CMPK2: variants seen among roughly 807,000 people sequenced by gnomAD.
The protein encoded by CMPK2 is UMP-CMP kinase 2, mitochondrial.
Under a neutral mutation model 33.4 loss-of-function variants are expected in CMPK2, and 32 were observed. The ratio of observed to expected loss-of-function variants is 0.96; its 90% CI spans 0.72 to 1.29. The LOEUF (loss-of-function observed/expected upper bound fraction) is 1.29, where lower values mean the gene tolerates loss of function less well. Among genes scored for constraint, CMPK2 ranks in the 50% most tolerant of loss-of-function variants. The pLI is 0.00. For synonymous variants in CMPK2, 299 were observed against 275.3 expected, an observed-to-expected ratio of 1.09 and a Z score of -0.85; for missense variants, 672 against 616.0, an observed-to-expected ratio of 1.09 and a Z score of -0.96.
chr2:6,842,459 G>A (rs930036863), intron 3 of CMPK2, among the ~76,000 whole-genome samples: 11 of 152,194 alleles, frequency 7.2e-5, no homozygotes, highest in African/African-American at 2.7e-4. Flanking sequence ...AGCCACCACT[G>A]CAACTGTTCA....
In CMPK2 at chr2:6,863,590, C is replaced by G. The variant is rs117967668; in HGVS notation, c.676-12G>C. 6.2e-7 allele frequency: 1 copy of G among 1,602,876 alleles called. No individual in the cohort carries two copies. The highest frequency in any genetic ancestry group is 8.5e-7 in the Non-Finnish European group (1 of 1,171,402). On this transcript the variant is annotated splice_polypyrimidine_tract_variant and intron_variant, in intron 1 of 4. Transcript: ENST00000256722. ...ATAAAGGAGGTACACTGTAAAACAA[C>G]GTCTATCCATCAGCAATGAAGCCAG...
At chr2:6,858,122 A>G (rs1189140832) in intron 3 of CMPK2, among the ~76,000 whole-genome samples, 1 of 151,998 alleles carries the variant, frequency 6.6e-6, no homozygotes, top group Non-Finnish European at 1.5e-5. Context: ...TAGTTGTCAG[A>G]TATGTTAGCT....
At chr2:6,866,375 C>T (rs1362866122), upstream of CMPK2, 2 of 916,094 alleles carry the variant, frequency 2.2e-6, no homozygotes, top group Non-Finnish European at 2.6e-6. Flanking sequence ...TATCTTATCT[C>T]ACCTGTGCAC....
chr2:6,853,863 C>T (rs967370190), intron 3 of CMPK2, among the ~76,000 whole-genome samples: 2 of 151,884 alleles, frequency 1.3e-5, no homozygotes, highest in African/African-American at 4.8e-5. Context: ...GATCGCGCCA[C>T]TGCACTCCAG....
In CMPK2 at chr2:6,849,323, T is replaced by C. The variant is rs991947630; in HGVS notation, c.*527A>G. On this transcript the variant is annotated 3_prime_UTR_variant, in exon 5 of 5. Coordinates refer to ENST00000256722, the MANE Select transcript of CMPK2 (RefSeq NM_207315.4). ...AGTGTCCTTGGGCAGCCAGGACACATAGACAGCCTCTGCAGGAACACTTGG... is the reference window on the plus strand; with the variant it reads ...AGTGTCCTTGGGCAGCCAGGACACACAGACAGCCTCTGCAGGAACACTTGG... 20 of 985,786 alleles carry C rather than the reference T, an allele frequency of 2.0e-5. No individual in the cohort carries two copies. The highest frequency in any genetic ancestry group is 1.2e-4 in the African/African-American group (7 of 57,198). 61.1% of individuals were successfully genotyped at this position (985,786 alleles called of 1,614,324 possible). A position where few individuals can be genotyped will look rare whatever the true frequency, so the allele number is the denominator to read the frequency against.
In CMPK2 at chr2:6,851,516, T is replaced by C. The variant is rs201283749; in HGVS notation, c.1160A>G (p.Gln387Arg). The C allele has an allele frequency of 4.8e-5, 78 of 1,614,128 alleles. No homozygotes were observed. Among genetic ancestry groups the C allele is most frequent in the Non-Finnish European group, 4.8e-5 (57 of 1,180,048 alleles). The change falls in exon 4 of 5, where the codon CAG becomes CGG. Residue 387 changes from glutamine to arginine, a missense_variant. Physicochemically the swap from Gln to Arg is conservative, Grantham distance 43. Transcript: ENST00000256722. The stretch of plus-strand genomic sequence containing the variant: ...CCTGGTCTTCTCCATGCCCCGGCCC[T>C]GCAGCCTCTGCAACCTCTCCTCAGG... ...VSPEERLQRL[Q>R]GRGMEKTREE...
At chr2:6,857,824 A>T (rs1051154711) in intron 3 of CMPK2, among the ~76,000 whole-genome samples, 1 of 151,410 alleles carries the variant, frequency 6.6e-6, no homozygotes, top group African/African-American at 2.4e-5. Flanking sequence ...TTTAGTAGAG[A>T]CGGGGTTTCA....
In CMPK2 at chr2:6,863,483, G is replaced by A. The variant is rs371005529; in HGVS notation, c.771C>T (p.Ile257=). Residue 257 remains isoleucine (I), a synonymous_variant, in exon 2 of 5, where the codon ATC becomes ATT. Transcript: ENST00000256722. ...TCTTACCCGTGGCATCCAGTCCTTC[G>A]ATGGCAACAACCTGGAACTTTCCTT... The part of the protein sequence containing the change: ...IQKGKFQVVA[I]EGLDATGKTT... 9.9e-6 allele frequency: 16 copies of A among 1,613,988 alleles called. No individual in the cohort carries two copies. The highest frequency in any genetic ancestry group is 6.7e-5 in the African/African-American group (5 of 74,918).
chr2:6,851,785 G>C (rs1202916868), intron 3 of CMPK2, 102 bp from the exon 4 acceptor site: 1 of 1,012,368 alleles, frequency 9.9e-7, no homozygotes, highest in Non-Finnish European at 1.4e-6. Context: ...TGGCTCTACA[G>C]AAGTTTTTCT....
intron 3 of CMPK2, 38 bp downstream of exon 3, chr2:6,861,146 G>A (rs1424375957): frequency 1.4e-6 from 2 of 1,416,846 alleles, no homozygotes; most frequent in Non-Finnish European, 2.0e-6. Context: ...TTATATATTA[G>A]GGAGAAAATG....
chr2:6,855,590 C>T (rs1558324255), intron 3 of CMPK2, among the ~76,000 whole-genome samples: 1 of 152,180 alleles, frequency 6.6e-6, no homozygotes, highest in Non-Finnish European at 1.5e-5. Flanking sequence ...ATTTTCCAGG[C>T]AAAGCCTTCC....
chr2:6,843,866 C>G (rs1395326163), downstream of CMPK2, among the ~76,000 whole-genome samples: 1 of 152,140 alleles, frequency 6.6e-6, no homozygotes, highest in East Asian at 1.9e-4. Context: ...GCTCTGGTGT[C>G]CAGAAGGAAG....
At chr2:6,858,161 A>G (rs1366760471) in intron 3 of CMPK2, among the ~76,000 whole-genome samples, 1 of 150,168 alleles carries the variant, frequency 6.7e-6, no homozygotes, top group Non-Finnish European at 1.5e-5. Context: ...ATTCTTGCAG[A>G]TTTCTTTCTC....
chr2:6,849,666 T>C lies in CMPK2; in HGVS notation c.*184A>G. 7.0e-7 allele frequency: 1 copy of C among 1,437,864 alleles called. No homozygotes were observed. Among genetic ancestry groups the C allele is most frequent in the South Asian group, 1.6e-5 (1 of 63,300 alleles). The allele number at this position is 1,437,864 out of a possible 1,614,324, so 89.1% of individuals were successfully genotyped here. On this transcript the variant is annotated 3_prime_UTR_variant, in exon 5 of 5. Coordinates refer to ENST00000256722, the MANE Select transcript of CMPK2 (RefSeq NM_207315.4). The stretch of plus-strand genomic sequence containing the variant: ...AACATGATGAGAGGGACCTTTGTGA[T>C]GACGGGTCCATCAGTCAGAAGAGGG...
chr2:6,866,118 C>T (rs1572148095), upstream of CMPK2: 1 of 223,332 alleles, frequency 4.5e-6, no homozygotes, highest in South Asian at 5.0e-5. Context: ...GCGGCTTATG[C>T]CGGGTGCATG....
At chr2:6,842,642 A>C (rs916761091) in intron 3 of CMPK2, among the ~76,000 whole-genome samples, 1 of 152,214 alleles carries the variant, frequency 6.6e-6, no homozygotes, top group East Asian at 1.9e-4. Context: ...TGATGCTTTA[A>C]GTAAAGCTTG....
downstream of CMPK2, among the ~76,000 whole-genome samples, chr2:6,845,541 G>A (rs1271634501): frequency 6.6e-6 from 1 of 152,170 alleles, no homozygotes; most frequent in Non-Finnish European, 1.5e-5. Flanking sequence ...TTCACCCATG[G>A]ATCCAGAGGA....
chr2:6,864,821 G>A (rs570614724), intron 1 of CMPK2, among the ~76,000 whole-genome samples: 4 of 152,118 alleles, frequency 2.6e-5, no homozygotes, highest in South Asian at 2.1e-4. Context: ...TATGTTCCAC[G>A]TCAGGTTGGA....
intron 3 of CMPK2, 53 bp from the exon 4 acceptor site, chr2:6,851,736 C>T: frequency 1.8e-5 from 28 of 1,548,484 alleles, no homozygotes; most frequent in Non-Finnish European, 2.4e-5. Flanking sequence ...GTCAAAGTAG[C>T]ATCTGAAAAT....
Sources: gnomAD v4.1 joint callset for allele counts (sites outside exome capture counted in the v4.1 genomes callset) on GRCh38, gnomAD v4.1.1 for gene constraint, MANE v1.5 for transcripts, NCBI Gene and HGNC (gene_info 2026-07-23, HGNC 2026-07-21) for gene names.